FKBP15: variants seen among roughly 807,000 people sequenced by gnomAD.
FKBP15 encodes the protein FKBP prolyl isomerase family member 15.
A neutral mutation model predicts 158.1 loss-of-function variants in FKBP15; 106 were observed. The observed-to-expected ratio is 0.67, with a 90% CI of 0.57 to 0.79. The LOEUF is 0.79. Among genes scored for constraint, FKBP15 ranks in the 30% least tolerant of loss-of-function variants. FKBP15 has a pLI of 0.00. For missense variants in FKBP15, 1,287 were observed against 1,479.1 expected (o/e 0.87, Z 2.13); for synonymous variants, 547 against 548.6 (o/e 1.00, Z 0.04).
At position 113,194,170 on chromosome 9, in the gene FKBP15, CT is replaced by C; in HGVS notation, c.865-2del. On this transcript the variant is annotated splice_acceptor_variant, in intron 9 of 27. Transcript: ENST00000238256. LOFTEE classifies it high-confidence loss of function. ...AGCCAGAATCTCTGGCAAACTTCACCTAAGGAAACACCGCATATTCTCACTC... is the reference window on the plus strand; with the variant it reads ...AGCCAGAATCTCTGGCAAACTTCACCAAGGAAACACCGCATATTCTCACTC... 1 of 1,603,900 alleles carries C rather than the reference CT, an allele frequency of 6.2e-7. No individual in the cohort carries two copies. Among genetic ancestry groups the C allele is most frequent in the Non-Finnish European group, 8.5e-7 (1 of 1,174,324 alleles).
At chr9:113,200,342 A>G (rs975681750) in intron 6 of FKBP15, among the ~76,000 whole-genome samples, 2 of 152,234 alleles carry the variant, frequency 1.3e-5, no homozygotes, top group Non-Finnish European at 2.9e-5. Flanking sequence ...CTTAATAAAC[A>G]TTAGCTATTG....
intron 4 of FKBP15, among the ~76,000 whole-genome samples, chr9:113,203,693 A>T (rs1830836672): frequency 6.6e-6 from 1 of 151,536 alleles, no homozygotes; most frequent in Non-Finnish European, 1.5e-5. Context: ...ACACCCTACT[A>T]ATTTTGTATT....
intron 17 of FKBP15, 96 bp from the exon 18 acceptor site, chr9:113,183,941 C>T: frequency 1.1e-6 from 1 of 894,890 alleles, no homozygotes; most frequent in Non-Finnish European, 1.8e-6. Flanking sequence ...ACATTGTTAA[C>T]ATGTTTTGAG....
rs375722025 is a variant in FKBP15, at chr9:113,198,873, T to C, written c.699A>G (p.Gly233=). 7 of 1,604,720 alleles carry C rather than the reference T, an allele frequency of 4.4e-6. No individual in the cohort carries two copies. Among genetic ancestry groups the C allele is most frequent in the South Asian group, 1.1e-5 (1 of 89,018 alleles). ...CCTTTACCTTGATGACTTTTCCTGA[T>C]CCTAACTTCAAGCGAAGCAACTTAT... ...NKDKLLRLKL[G]SGKVIKGWED... Residue 233 remains glycine, a synonymous_variant, in exon 8 of 28, where the codon GGA becomes GGG. Coordinates refer to ENST00000238256, the MANE Select transcript of FKBP15 (RefSeq NM_015258.2). This position sits in a 1 kb window ranked among gnomAD's most constrained non-coding sequence, Gnocchi z 5.2.
At chr9:113,172,022 C>T (rs1183164698) in intron 23 of FKBP15, among the ~76,000 whole-genome samples, 5 of 150,740 alleles carry the variant, frequency 3.3e-5, no homozygotes, top group South Asian at 4.3e-4. Flanking sequence ...CGACAGGCCC[C>T]GGTGTGTGAT....
chr9:113,166,315 G>C (rs1830098373), intron 27 of FKBP15, among the ~76,000 whole-genome samples, 160 bp from the exon 28 acceptor site: 1 of 152,218 alleles, frequency 6.6e-6, no homozygotes, highest in African/African-American at 2.4e-5. Context: ...TAGGCTTCCA[G>C]ATAAAGCTGA....
At position 113,194,155 on chromosome 9, in the gene FKBP15, T is replaced by A. The variant is rs149222255; in HGVS notation, c.879A>T (p.Arg293Ser). The change falls in exon 10 of 28, where the codon AGA becomes AGT. Residue 293 changes from arginine (R) to serine (S), a missense_variant. By Grantham distance (110) the Arg-to-Ser change is moderately radical. Coordinates refer to ENST00000238256, the MANE Select transcript of FKBP15 (RefSeq NM_015258.2). The stretch of plus-strand genomic sequence containing the variant: ...CACTGTGACCATCAGAGCCAGAATC[T>A]CTGGCAAACTTCACCTAAGGAAACA... The part of the protein sequence containing the change: ...EVEVRRVKFA[R>S]DSGSDGHSVS... 3 of 1,610,450 alleles carry A rather than the reference T, an allele frequency of 1.9e-6. No individual in the cohort carries two copies. The South Asian group carries it at 3.3e-5, about 18-fold the overall frequency.
intron 24 of FKBP15, among the ~76,000 whole-genome samples, chr9:113,170,911 C>G (rs1830196554): frequency 6.6e-6 from 1 of 152,122 alleles, no homozygotes; most frequent in South Asian, 2.1e-4. Context: ...TCTTGATGTC[C>G]CCCTCCCACT....
At chr9:113,168,692 G>A (rs932456865) in intron 26 of FKBP15, 136 bp from the exon 27 acceptor site, 46 of 726,476 alleles carry the variant, frequency 6.3e-5, no homozygotes, top group African/African-American at 5.4e-4. Context: ...TCCCACCTCC[G>A]CTGCCACCAT....
chr9:113,164,474 G>A lies in FKBP15; in HGVS notation c.*1604C>T, dbSNP rs1830067835. 6.6e-6 allele frequency: 1 copy of A among 152,246 alleles called. No homozygotes were observed. The highest frequency in any genetic ancestry group is 1.5e-5 in the Non-Finnish European group (1 of 68,054). The allele number at this position is 152,246 out of a possible 1,614,324, so 9.4% of individuals were successfully genotyped here. On this transcript the variant is annotated 3_prime_UTR_variant, in exon 28 of 28. Transcript: ENST00000238256. ...CAATTACTCAGCATCTTCTCTCCCT[G>A]CGGGCAGAAGCAAATATAATAGCCA...
intron 3 of FKBP15, chr9:113,206,863 T>C (rs1370452514): frequency 1.1e-5 from 5 of 440,566 alleles, no homozygotes. Context: ...ATTACAGGAG[T>C]GCGCCACCGC....
rs779420460 is a variant in FKBP15, at chr9:113,211,463, C to T, written c.169+14G>A. ...CATTAGCCACCTCGCTCGGCTAATA[C>T]ACTCTTAACTTACCTGTTGCTGCCG... On this transcript the variant is annotated intron_variant, in intron 2 of 27. Coordinates refer to ENST00000238256, the MANE Select transcript of FKBP15 (RefSeq NM_015258.2). 3.8e-6 allele frequency: 6 copies of T among 1,593,370 alleles called. No homozygotes were observed. The highest frequency in any genetic ancestry group is 1.3e-5 in the African/African-American group (1 of 74,598).
intron 14 of FKBP15, 141 bp from the exon 15 acceptor site, chr9:113,186,504 T>C: frequency 3.1e-6 from 2 of 653,970 alleles, no homozygotes; most frequent in Non-Finnish European, 2.8e-6. Flanking sequence ...GAGATCTGGG[T>C]TTGGCAGTTG....
At chr9:113,185,370 C>G (rs1830468360) in intron 15 of FKBP15, among the ~76,000 whole-genome samples, 1 of 75,832 alleles carries the variant, frequency 1.3e-5, no homozygotes. Context: ...AGAGAATAGT[C>G]AGGGAAGGCT....
At chr9:113,215,843 G>A (rs889164450) in intron 1 of FKBP15, among the ~76,000 whole-genome samples, 3 of 150,370 alleles carry the variant, frequency 2.0e-5, no homozygotes, top group African/African-American at 7.3e-5. Flanking sequence ...TAGAAACAGG[G>A]TTTTGCTATG....
chr9:113,205,659 ACT>A (rs1355994680), intron 4 of FKBP15, among the ~76,000 whole-genome samples: 1 of 152,118 alleles, frequency 6.6e-6, no homozygotes, highest in Non-Finnish European at 1.5e-5. Context: ...AGCAATTTCC[ACT>A]CTTAGTATAC....
At chr9:113,208,135 G>A (rs1226452005) in intron 2 of FKBP15, among the ~76,000 whole-genome samples, 4 of 152,136 alleles carry the variant, frequency 2.6e-5, no homozygotes, top group South Asian at 4.2e-4. Flanking sequence ...CGAGGAGTTC[G>A]AGACCAGCCT....
chr9:113,168,669 G>T, intron 26 of FKBP15, 113 bp from the exon 27 acceptor site: 1 of 860,158 alleles, frequency 1.2e-6, no homozygotes, highest in Non-Finnish European at 1.8e-6. Flanking sequence ...GTTGGTGACT[G>T]CTCAGGAATT....
intron 5 of FKBP15, 105 bp from the exon 6 acceptor site, chr9:113,202,734 G>T: frequency 1.1e-6 from 1 of 904,468 alleles, no homozygotes; most frequent in South Asian, 1.6e-5. Context: ...TGGACCCAAA[G>T]GGAACTATCA....
Sources: gnomAD v4.1 joint callset for allele counts (sites outside exome capture counted in the v4.1 genomes callset) on GRCh38, gnomAD v4.1.1 for gene constraint, Gnocchi (gnomAD v3.1) non-coding constraint, MANE v1.5 for transcripts, NCBI Gene and HGNC (gene_info 2026-07-23, HGNC 2026-07-21) for gene names.